UBR4: variants seen among roughly 807,000 people sequenced by gnomAD.
The protein encoded by UBR4 is ubiquitin protein ligase E3 component n-recognin 4.
A neutral mutation model predicts 575.6 loss-of-function variants in UBR4; 124 were observed. That is an observed-to-expected ratio of 0.22 (90% CI 0.19 to 0.25). The LOEUF (loss-of-function observed/expected upper bound fraction) is 0.25. UBR4 is among the 10% of genes least tolerant of loss of function. The pLI, the probability that UBR4 is intolerant of heterozygous loss-of-function variation, is 1.00. For missense variants in UBR4, 4,818 were observed against 6,478.8 expected, an observed-to-expected ratio of 0.74 and a Z score of 8.80; for synonymous variants, 2,455 against 2,473.7, an observed-to-expected ratio of 0.99 and a Z score of 0.22.
chr1:19,112,532 G>A lies in UBR4; in HGVS notation c.11793C>T (p.Leu3931=). The A allele has an allele frequency of 6.2e-7, 1 of 1,610,304 alleles. No homozygotes were observed. Among genetic ancestry groups the A allele is most frequent in the Non-Finnish European group, 8.5e-7 (1 of 1,177,878 alleles). Residue 3931 remains leucine (L), a synonymous_variant, in exon 78 of 106, where the codon CTC becomes CTT. Transcript: ENST00000375254. The part of the protein sequence containing the change: ...MREEVRQLMC[L]LTRDNPEATQ... ...ATGGTGTAGGTACTGACCGAGTTAG[G>A]AGGCACATGAGCTGGCGGACCTCCT...
At position 19,173,068 on chromosome 1, in the gene UBR4, C is replaced by G. The variant is rs776189004; in HGVS notation, c.3317G>C (p.Cys1106Ser). ...TTCATGCAGCTGCAAGATGGTGGTA[C>G]AGTCGATACTACAGAAGGATGAGAT... is the stretch of plus-strand genomic sequence containing the variant. ...RQISSFCSID[C>S]TTILQLHEIP... The change falls in exon 25 of 106, where the codon TGT (cysteine) becomes TCT (serine). Residue 1106 changes from cysteine to serine, a missense_variant. Cys to Ser is a moderately radical substitution (Grantham distance 112). Coordinates refer to ENST00000375254, the MANE Select transcript of UBR4 (RefSeq NM_020765.3). 4 of 1,614,168 alleles carry G rather than the reference C, an allele frequency of 2.5e-6. No homozygotes were observed. Among genetic ancestry groups the G allele is most frequent in the Non-Finnish European group, 2.5e-6 (3 of 1,180,020 alleles).
intron 81 of UBR4, among the ~76,000 whole-genome samples, chr1:19,107,507 G>A (rs1276312769): frequency 3.3e-5 from 5 of 152,172 alleles, no homozygotes; most frequent in Admixed American, 1.3e-4. Flanking sequence ...CTGGCCGGGC[G>A]CGGTGACTCA....
At chr1:19,109,032 AG>A (rs1409525758) in intron 81 of UBR4, among the ~76,000 whole-genome samples, 1 of 152,242 alleles carries the variant, frequency 6.6e-6, no homozygotes, top group Non-Finnish European at 1.5e-5. Flanking sequence ...ATCAAAGGGA[AG>A]GAAGCAGAGT....
Position 19,093,596 on chromosome 1 carries a change from C to A in UBR4, c.13938-110G>T. ...GCCTATAGAAGATCAAGGCTAAATT[C>A]CCTAACGTGACACAAAGACCTATCT... On this transcript the variant is annotated intron_variant, in intron 95 of 105. Transcript: ENST00000375254. This position sits in a 1 kb window ranked among gnomAD's most constrained non-coding sequence, Gnocchi z 4.8. 8.1e-7 allele frequency: 1 copy of A among 1,237,640 alleles called. No homozygotes were observed. Among genetic ancestry groups the A allele is most frequent in the South Asian group, 1.5e-5 (1 of 68,878 alleles). 76.7% of individuals were successfully genotyped at this position (1,237,640 alleles called of 1,614,324 possible). A position where few individuals can be genotyped will look rare whatever the true frequency, so the allele number is the denominator to read the frequency against.
chr1:19,100,448 C>T lies in UBR4; in HGVS notation c.13149G>A (p.Met4383Ile). 1 of 1,614,200 alleles carries T rather than the reference C, an allele frequency of 6.2e-7. No individual in the cohort carries two copies. The highest frequency in any genetic ancestry group is 8.5e-7 in the Non-Finnish European group (1 of 1,180,034). The change falls in exon 89 of 106, where the codon ATG becomes ATA. Residue 4383 changes from methionine (M) to isoleucine (I), a missense_variant. Met to Ile is a conservative substitution (Grantham distance 10, BLOSUM62 1). Around this residue, in one of 29 missense-constraint regions of UBR4, gnomAD observed 105 missense variants for 232.8 expected, o/e 0.45. Coordinates refer to ENST00000375254, the MANE Select transcript of UBR4 (RefSeq NM_020765.3). The surrounding 1 kb of genome is among the most constrained non-coding windows in gnomAD (Gnocchi z 4.2). ...SSNEPGIGPL[M>I]RDIKNKICQD... ...GGCAAATCTTGTTCTTTATATCCCT[C>T]ATCAGCGGCCCGATGCCTGGCTCAT...
At chr1:19,081,829 A>G (rs1239581917) in intron 102 of UBR4, 2 of 673,060 alleles carry the variant, frequency 3.0e-6, no homozygotes, top group South Asian at 3.3e-5. Flanking sequence ...CCCCAGCTCT[A>G]ATACAATTCC....
At chr1:19,091,646 A>G (rs987952227) in intron 97 of UBR4, among the ~76,000 whole-genome samples, 1 of 152,252 alleles carries the variant, frequency 6.6e-6, no homozygotes, top group Non-Finnish European at 1.5e-5. Context: ...AGTTCAAACT[A>G]AAAATAGTCA....
intron 90 of UBR4, among the ~76,000 whole-genome samples, chr1:19,097,846 A>T (rs1366036756): frequency 6.6e-6 from 1 of 152,258 alleles, no homozygotes; most frequent in Non-Finnish European, 1.5e-5. Flanking sequence ...AGACGTCTTT[A>T]TATAACCATA....
At chr1:19,197,346 G>A (rs1377417781) in intron 7 of UBR4, 81 bp from the exon 8 acceptor site, 14 of 1,581,802 alleles carry the variant, frequency 8.9e-6, no homozygotes, top group Admixed American at 1.7e-5. Flanking sequence ...TTATCAGCAT[G>A]GGCCCGGCAC....
At position 19,105,668 on chromosome 1, in the gene UBR4, C is replaced by CG. The variant is rs140457453; in HGVS notation, c.12503+64dup. The CG allele has an allele frequency of 4.3e-3, 5,351 of 1,242,650 alleles. 152 individuals are homozygous for CG. In the East Asian group the frequency reaches 0.069, roughly 16 times the overall value. 77.0% of individuals were successfully genotyped at this position (1,242,650 alleles called of 1,614,324 possible). A position where few individuals can be genotyped will look rare whatever the true frequency, so the allele number is the denominator to read the frequency against. On this transcript the variant is annotated intron_variant, in intron 84 of 105. Coordinates refer to ENST00000375254, the MANE Select transcript of UBR4 (RefSeq NM_020765.3). Reference sequence around the variant, plus strand: ...TCATTACCCTGATCCATGGATTCCCCGGGGAAGATGAAAAGGCTCTAGAGC... The same window carrying CG: ...TCATTACCCTGATCCATGGATTCCCCGGGGGAAGATGAAAAGGCTCTAGAGC...
Position 19,087,852 on chromosome 1 carries a change from G to A in UBR4, c.14508C>T (p.Leu4836=), listed in dbSNP as rs374654854. The change falls in exon 99 of 106, where the codon CTC becomes CTT. Residue 4836 remains leucine (L), a synonymous_variant. Coordinates refer to ENST00000375254, the MANE Select transcript of UBR4 (RefSeq NM_020765.3). The stretch of plus-strand genomic sequence containing the variant: ...ATCCCTCCCTGCAGATGCAGCACGT[G>A]AGGCCAGGCTCCTCGATCAGCTCTT... The part of the protein sequence containing the change: ...QMEELIEEPG[L]TCCICREGYK... The A allele has an allele frequency of 6.2e-7, 1 of 1,611,594 alleles. No homozygotes were observed. Among genetic ancestry groups the A allele is most frequent in the Non-Finnish European group, 8.5e-7 (1 of 1,178,768 alleles).
chr1:19,173,448 G>A lies in UBR4; in HGVS notation c.3156C>T (p.Asn1052=). Residue 1052 remains asparagine (N), a synonymous_variant, in exon 23 of 106, where the codon AAC becomes AAT. Transcript: ENST00000375254. ...GCAAGCTCTGTGTTACCTTTATCCA[G>A]TTGACATAGGAGCTGATCCGGAGCC... ...SSRLRISSYV[N]WIKDHLIKQG... The A allele has an allele frequency of 6.2e-7, 1 of 1,614,118 alleles. No homozygotes were observed. The highest frequency in any genetic ancestry group is 8.5e-7 in the Non-Finnish European group (1 of 1,180,000).
At position 19,176,584 on chromosome 1, in the gene UBR4, T is replaced by C. The variant is rs770947355; in HGVS notation, c.2773+8A>G. On this transcript the variant is annotated splice_region_variant and intron_variant, in intron 20 of 105. Coordinates refer to ENST00000375254, the MANE Select transcript of UBR4 (RefSeq NM_020765.3). Reference sequence around the variant, plus strand: ...AGTCAGTTTCTTATTAACAGTCTTCTTTCTGACCTGATGAGAAATGCTTAG... The same window carrying C: ...AGTCAGTTTCTTATTAACAGTCTTCCTTCTGACCTGATGAGAAATGCTTAG... 25 of 1,613,104 alleles carry C rather than the reference T, an allele frequency of 1.5e-5. No individual in the cohort carries two copies. Among genetic ancestry groups the C allele is most frequent in the Non-Finnish European group, 2.0e-5 (24 of 1,179,644 alleles).
intron 29 of UBR4, among the ~76,000 whole-genome samples, chr1:19,166,743 A>C (rs2088529657): frequency 3.6e-5 from 4 of 111,940 alleles, no homozygotes; most frequent in South Asian, 2.9e-4. Flanking sequence ...AAAAAAAAAA[A>C]AAAAAAAAAA....
intron 86 of UBR4, 61 bp from the exon 87 acceptor site, chr1:19,104,318 GTC>G (rs2078958708): frequency 2.5e-6 from 4 of 1,580,018 alleles, no homozygotes; most frequent in Admixed American, 1.8e-5. Context: ...GACAGTCTGT[GTC>G]TCAAAAGATT....
intron 13 of UBR4, 141 bp from the exon 14 acceptor site, chr1:19,186,798 T>C: frequency 2.8e-6 from 2 of 722,026 alleles, no homozygotes; most frequent in South Asian, 2.0e-5. Context: ...AGGACTTTCA[T>C]CACTTTACCC....
chr1:19,168,708 T>C (rs113986242), intron 27 of UBR4, among the ~76,000 whole-genome samples: 1,663 of 152,290 alleles, frequency 0.011, 30 homozygotes, highest in East Asian at 0.067. Flanking sequence ...CTGGGCATGG[T>C]GGCTCACGCC....
At chr1:19,159,995 A>G in intron 39 of UBR4, 116 bp downstream of exon 39, 1 of 1,335,660 alleles carries the variant, frequency 7.5e-7, no homozygotes, top group Admixed American at 2.7e-5. Flanking sequence ...TAAGTTTTGG[A>G]TGGCCAAGCA....
intron 100 of UBR4, 79 bp from the exon 101 acceptor site, chr1:19,086,349 T>TG: frequency 1.6e-4 from 1 of 6,208 alleles, no homozygotes; most frequent in Non-Finnish European, 3.1e-4. Context: ...GGGGCGGGGG[T>TG]GGGGGTGGGG....
Sources: allele counts gnomAD v4.1 joint callset (sites outside exome capture counted in the v4.1 genomes callset), GRCh38; gene constraint gnomAD v4.1.1; regional missense constraint gnomAD v4.1.1; non-coding constraint Gnocchi (gnomAD v3.1); transcripts MANE v1.5; gene names NCBI Gene and HGNC (gene_info 2026-07-23, HGNC 2026-07-21).